The following ZNF649 variants were observed in gnomAD, a reference collection of about 807,000 sequenced individuals.
ZNF649 encodes zinc finger protein 649.
In ZNF649, 7 loss-of-function variants were observed where a neutral mutation model predicts 14.1. The observed-to-expected ratio is 0.49, with a 90% CI of 0.28 to 0.93. The LOEUF (loss-of-function observed/expected upper bound fraction) is 0.93. ZNF649 is among the 40% of genes least tolerant of loss of function. ZNF649 has a pLI of 0.10. For missense variants in ZNF649, 544 were observed against 608.1 expected (o/e 0.89, Z 1.11); for synonymous variants, 227 against 212.3 (o/e 1.07, Z -0.60).
intron 4 of ZNF649, among the ~76,000 whole-genome samples, chr19:51,892,534 T>C (rs924584408): frequency 2.0e-5 from 3 of 152,012 alleles, no homozygotes; most frequent in Non-Finnish European, 4.4e-5. Context: ...TTTTTTAATT[T>C]AAAAAAGAAT....
intron 1 of ZNF649, among the ~76,000 whole-genome samples, chr19:51,903,924 T>A (rs1184245552): frequency 1.3e-5 from 2 of 152,224 alleles, no homozygotes; most frequent in Non-Finnish European, 2.9e-5. Flanking sequence ...TGAGTCCTTG[T>A]GGATAAACTG....
intron 2 of ZNF649, among the ~76,000 whole-genome samples, chr19:51,897,913 G>A (rs1251572074): frequency 6.6e-6 from 1 of 152,038 alleles, no homozygotes; most frequent in African/African-American, 2.4e-5. Context: ...CCCGAGGTCA[G>A]GAGTTTGAGA....
Position 51,891,168 on chromosome 19 carries a change from C to A in ZNF649, c.968G>T (p.Cys323Phe). Residue 323 changes from cysteine to phenylalanine, a missense_variant, in exon 5 of 5, where the codon TGT becomes TTT. Cys to Phe is a radical substitution (Grantham distance 205). Coordinates refer to ENST00000354957, the MANE Select transcript of ZNF649 (RefSeq NM_023074.4). The surrounding 1 kb of genome is among the most constrained non-coding windows in gnomAD (Gnocchi z 4.2). ...GCCCTTCTGAATGAAGCCTTTTCCA[C>A]ATTCACTGCATGTATGAGGCTTCTC... ...TGEKPHTCSE[C>F]GKGFIQKGNL... 1 of 1,614,244 alleles carries A rather than the reference C, an allele frequency of 6.2e-7. No homozygotes were observed. Among genetic ancestry groups the A allele is most frequent in the South Asian group, 1.1e-5 (1 of 91,086 alleles).
intron 1 of ZNF649, among the ~76,000 whole-genome samples, chr19:51,902,962 T>G (rs1032551069): frequency 3.3e-5 from 5 of 152,178 alleles, no homozygotes; most frequent in African/African-American, 1.2e-4. Context: ...AGATCGTTCA[T>G]GGCAAAGTTA....
intron 1 of ZNF649, among the ~76,000 whole-genome samples, chr19:51,903,683 G>A (rs1185353802): frequency 6.6e-6 from 1 of 152,160 alleles, no homozygotes; most frequent in African/African-American, 2.4e-5. Flanking sequence ...GCCGGGCGTG[G>A]TGGCGGGCGC....
Position 51,890,493 on chromosome 19 carries a change from A to G in ZNF649, c.*125T>C. On this transcript the variant is annotated 3_prime_UTR_variant, in exon 5 of 5. Transcript: ENST00000354957. ...TAGTGAGGTTTATAAGATATAAAAA[A>G]GTAAAATATATTTCATATCTTGTAA... 2 of 636,494 alleles carry G rather than the reference A, an allele frequency of 3.1e-6. No homozygotes were observed. The highest frequency in any genetic ancestry group is 5.3e-6 in the Non-Finnish European group (2 of 374,118). The allele number at this position is 636,494 out of a possible 1,614,324, so 39.4% of individuals were successfully genotyped here.
At chr19:51,893,230 C>T (rs1206852624) in intron 4 of ZNF649, among the ~76,000 whole-genome samples, 1 of 152,186 alleles carries the variant, frequency 6.6e-6, no homozygotes, top group Non-Finnish European at 1.5e-5. Flanking sequence ...TAAAACTCCA[C>T]TCCAAAATGA....
At chr19:51,904,503 C>G (rs1236430264) in intron 1 of ZNF649, among the ~76,000 whole-genome samples, 2 of 152,114 alleles carry the variant, frequency 1.3e-5, no homozygotes, top group Non-Finnish European at 2.9e-5. Context: ...TGGGCCTCCC[C>G]GAAACACTTA....
chr19:51,891,244 C>T lies in ZNF649; in HGVS notation c.892G>A (p.Ala298Thr). 1.9e-6 allele frequency: 3 copies of T among 1,614,242 alleles called. No individual in the cohort carries two copies. Among genetic ancestry groups the T allele is most frequent in the East Asian group, 2.2e-5 (1 of 44,888 alleles). Residue 298 changes from alanine to threonine, a missense_variant, in exon 5 of 5, where the codon GCT becomes ACT. Ala to Thr is a moderately conservative substitution (Grantham distance 58, BLOSUM62 0). Coordinates refer to ENST00000354957, the MANE Select transcript of ZNF649 (RefSeq NM_023074.4). The surrounding 1 kb of genome is among the most constrained non-coding windows in gnomAD (Gnocchi z 4.2). ...ACGAGTAGTGATTTTCTGGAGAAAG[C>T]TCTCCCACATTCGCTGCATTGATGG... ...KPHQCSECGR[A>T]FSRKSLLVVH...
rs186074546 is a variant in ZNF649, at chr19:51,903,755, G to A, written c.-188+1159C>T. 2.1e-3 allele frequency among the ~76,000 whole-genome samples: 317 copies of A among 152,272 alleles called. 2 individuals carry two copies. The highest frequency in any genetic ancestry group is 6.3e-3 in the Admixed American group (97 of 15,306). On this transcript the variant is annotated intron_variant, in intron 1 of 4. Transcript: ENST00000354957. ...AGTCGCTAGAACCCAGGAGGCGGAG[G>A]TTGCAGTGAGCTGAGATCGCACCAC...
intron 1 of ZNF649, among the ~76,000 whole-genome samples, chr19:51,903,481 T>G (rs1409526378): frequency 1.3e-5 from 2 of 152,136 alleles, no homozygotes; most frequent in African/African-American, 4.8e-5. Context: ...GGGAGACATG[T>G]GCCAGGAAAC....
intron 1 of ZNF649, among the ~76,000 whole-genome samples, chr19:51,901,950 CAAAAAAAAAAAAA>C (rs35820639): frequency 1.6e-5 from 1 of 63,616 alleles, no homozygotes; most frequent in Non-Finnish European, 3.7e-5. Context: ...GACTCTGTAT[CAAAAAAAAAAAAA>C]AAAAAAAACC....
intron 4 of ZNF649, among the ~76,000 whole-genome samples, chr19:51,892,948 G>A (rs759075233): frequency 3.1e-4 from 47 of 152,072 alleles, no homozygotes; most frequent in Non-Finnish European, 5.4e-4. Flanking sequence ...TTCTTTTTCT[G>A]TAGCAGCTAA....
At chr19:51,895,160 C>T (rs2085052631) in intron 4 of ZNF649, among the ~76,000 whole-genome samples, 1 of 152,028 alleles carries the variant, frequency 6.6e-6, no homozygotes, top group South Asian at 2.1e-4. Flanking sequence ...ATGGGAGTGG[C>T]TTGTGTGTGA....
chr19:51,890,666 C>G lies in ZNF649; in HGVS notation c.1470G>C (p.Val490=), dbSNP rs1428440735. 6.2e-7 allele frequency: 1 copy of G among 1,614,086 alleles called. No individual in the cohort carries two copies. The highest frequency in any genetic ancestry group is 8.5e-7 in the Non-Finnish European group (1 of 1,179,982). ...ACTCACACTGCCCTGCCACCATTGC[C>G]ACAGTTACCATATTAACAGGGCTTT... The part of the protein sequence containing the change: ...QGKSPVNMVT[V]AMVAGQCEFA... Residue 490 remains valine, a synonymous_variant, in exon 5 of 5, where the codon GTG becomes GTC. Coordinates refer to ENST00000354957, the MANE Select transcript of ZNF649 (RefSeq NM_023074.4).
At position 51,890,724 on chromosome 19, in the gene ZNF649, T is replaced by C. The variant is rs1232780501; in HGVS notation, c.1412A>G (p.His471Arg). ...VKVENPSTAS[H>R]SLSPSEHVQG... ...CACATGTTCACTAGGACTTAAGCTG[T>C]GACTTGCTGTGGAAGGATTTTCCAC... The change falls in exon 5 of 5, where the codon CAC becomes CGC. Residue 471 changes from histidine to arginine, a missense_variant. Coordinates refer to ENST00000354957, the MANE Select transcript of ZNF649 (RefSeq NM_023074.4). The C allele has an allele frequency of 3.7e-6, 6 of 1,614,252 alleles. No individual in the cohort carries two copies. The highest frequency in any genetic ancestry group is 4.5e-5 in the East Asian group (2 of 44,884).
In ZNF649 at chr19:51,889,339, A is replaced by C. The variant is rs1472072442; in HGVS notation, c.*1279T>G. 6.6e-6 allele frequency: 1 copy of C among 152,226 alleles called. No individual in the cohort carries two copies. The highest frequency in any genetic ancestry group is 1.5e-5 in the Non-Finnish European group (1 of 68,034). The allele number at this position is 152,226 out of a possible 1,614,324, so 9.4% of individuals were successfully genotyped here. A position where few individuals can be genotyped will look rare whatever the true frequency, so the allele number is the denominator to read the frequency against. On this transcript the variant is annotated 3_prime_UTR_variant, in exon 5 of 5. Transcript: ENST00000354957. ...GTCAGTTCAGGCTACTAGAAAAAAT[A>C]CACCATAGACTGACTGACTGCCTTA...
Position 51,896,471 on chromosome 19 carries a change from C to T in ZNF649, c.238+1G>A, listed in dbSNP as rs1459692220. 5.0e-6 allele frequency: 8 copies of T among 1,613,866 alleles called. No individual in the cohort carries two copies. The highest frequency in any genetic ancestry group is 1.7e-5 in the Admixed American group (1 of 60,004). On this transcript the variant is annotated splice_donor_variant, in intron 4 of 4. Coordinates refer to ENST00000354957, the MANE Select transcript of ZNF649 (RefSeq NM_023074.4). LOFTEE classifies it high-confidence loss of function. ...CCTCTTGCTGGTTCTCTCTCACTTA[C>T]CTGGGTGGGCTGGACTGTGGATTTC...
chr19:51,892,147 G>A (rs932468670), intron 4 of ZNF649, among the ~76,000 whole-genome samples: 15 of 152,094 alleles, frequency 9.9e-5, no homozygotes, highest in African/African-American at 2.7e-4. Context: ...AGGCCAAGGC[G>A]GGTGGATCAC....
Sources: allele counts gnomAD v4.1 joint callset (sites outside exome capture counted in the v4.1 genomes callset), GRCh38; gene constraint gnomAD v4.1.1; non-coding constraint Gnocchi (gnomAD v3.1); transcripts MANE v1.5; gene names NCBI Gene and HGNC (gene_info 2026-07-23, HGNC 2026-07-21).